MACROD2: variants seen among roughly 807,000 people sequenced by gnomAD.
The protein encoded by MACROD2 is mono-ADP ribosylhydrolase 2, also known as ADP-ribose glycohydrolase MACROD2.
MACROD2 carries 36 observed loss-of-function variants against 70.4 expected under a neutral mutation model. The ratio of observed to expected loss-of-function variants is 0.51; its 90% CI spans 0.39 to 0.68. The LOEUF is 0.68. MACROD2 is among the 30% of genes least tolerant of loss of function. The probability of loss-of-function intolerance (pLI) is 0.00; values close to 1 mark genes in which losing one functional copy is unlikely to be tolerated. For missense variants in MACROD2, 496 were observed against 538.4 expected (o/e 0.92, Z 0.78); for synonymous variants, 172 against 178.8 (o/e 0.96, Z 0.30).
intron 10 of MACROD2, among the ~76,000 whole-genome samples, chr20:15,896,895 A>G (rs2064981363): frequency 6.6e-6 from 1 of 152,212 alleles, no homozygotes; most frequent in Non-Finnish European, 1.5e-5. Flanking sequence ...CATGTGCTAT[A>G]AATGATAATG....
chr20:14,947,258 ACAATGTT>A (rs1468237958), intron 5 of MACROD2, among the ~76,000 whole-genome samples: 1 of 152,154 alleles, frequency 6.6e-6, no homozygotes, highest in Non-Finnish European at 1.5e-5. Flanking sequence ...TTGCTCTATA[ACAATGTT>A]TCTGGCTTTG....
At chr20:15,342,342 T>A (rs962768335) in intron 6 of MACROD2, among the ~76,000 whole-genome samples, 15 of 152,170 alleles carry the variant, frequency 9.9e-5, no homozygotes, top group Non-Finnish European at 2.1e-4. Flanking sequence ...TCCCAGCCAA[T>A]GTCAGACTAG....
chr20:15,684,619 A>G (rs2050202779), intron 8 of MACROD2, among the ~76,000 whole-genome samples: 1 of 152,232 alleles, frequency 6.6e-6, no homozygotes, highest in Non-Finnish European at 1.5e-5. Context: ...AGTTCAATTA[A>G]GGATTTTTCA....
chr20:15,578,817 C>G (rs2048485044), intron 8 of MACROD2, among the ~76,000 whole-genome samples: 1 of 152,088 alleles, frequency 6.6e-6, no homozygotes, highest in Middle Eastern at 3.4e-3. Context: ...CAGTGAAAAG[C>G]TAAAACTGAA....
At chr20:14,762,055 A>G (rs2072022449) in intron 5 of MACROD2, among the ~76,000 whole-genome samples, 1 of 151,814 alleles carries the variant, frequency 6.6e-6, no homozygotes, top group Admixed American at 6.6e-5. Context: ...TTCTCCTGCC[A>G]CCCTCTCCGC....
At chr20:14,528,156 C>G (rs1394625357) in intron 4 of MACROD2, among the ~76,000 whole-genome samples, 1 of 150,394 alleles carries the variant, frequency 6.6e-6, no homozygotes, top group Non-Finnish European at 1.5e-5. Context: ...ATTGCCCAGG[C>G]TGGAGAGCAA....
At chr20:15,076,171 A>G (rs1363532353) in intron 5 of MACROD2, among the ~76,000 whole-genome samples, 1 of 152,070 alleles carries the variant, frequency 6.6e-6, no homozygotes, top group Non-Finnish European at 1.5e-5. Flanking sequence ...TGCTTTCCTT[A>G]CCATTATATC....
At chr20:14,981,145 C>A (rs564146334) in intron 5 of MACROD2, among the ~76,000 whole-genome samples, 1 of 151,968 alleles carries the variant, frequency 6.6e-6, no homozygotes, top group South Asian at 2.1e-4. Context: ...AAACAAGGAT[C>A]CCCATCATCG....
At chr20:14,985,916 G>A (rs1327471365) in intron 5 of MACROD2, among the ~76,000 whole-genome samples, 15 of 152,022 alleles carry the variant, frequency 9.9e-5, no homozygotes, top group Admixed American at 9.8e-4. Flanking sequence ...TGGGATTACA[G>A]GTGTGAGCCA....
intron 8 of MACROD2, among the ~76,000 whole-genome samples, chr20:15,768,095 G>A (rs1444913995): frequency 1.3e-5 from 2 of 151,798 alleles, no homozygotes; most frequent in Non-Finnish European, 2.9e-5. Context: ...GAAAGTTACT[G>A]CAAAAAGAAA....
rs765506233 is a variant in MACROD2, at chr20:15,986,808, A to C, written c.1060+7A>C. 3 of 1,594,416 alleles carry C rather than the reference A, an allele frequency of 1.9e-6. No homozygotes were observed. In the South Asian group the frequency reaches 3.3e-5, roughly 18 times the overall value. Reference sequence around the variant, plus strand: ...TCATATATGGAAACAGAAGGTACTGAAACCAAAATATATTGTTATCAGAGA... The same window carrying C: ...TCATATATGGAAACAGAAGGTACTGCAACCAAAATATATTGTTATCAGAGA... On this transcript the variant is annotated splice_region_variant and intron_variant, in intron 14 of 17. Transcript: ENST00000684519.
At chr20:15,191,355 G>A (rs1030888731) in intron 5 of MACROD2, among the ~76,000 whole-genome samples, 2 of 152,226 alleles carry the variant, frequency 1.3e-5, no homozygotes, top group Middle Eastern at 3.2e-3. Flanking sequence ...AAAGCCCTGA[G>A]ATAGAAGATT....
At chr20:15,027,339 G>C (rs1280973023) in intron 5 of MACROD2, among the ~76,000 whole-genome samples, 1 of 152,104 alleles carries the variant, frequency 6.6e-6, no homozygotes, top group Non-Finnish European at 1.5e-5. Flanking sequence ...ATGTCTATCA[G>C]ATTTGATTTT....
chr20:14,538,509 C>T (rs2085393505), intron 4 of MACROD2, among the ~76,000 whole-genome samples: 1 of 152,200 alleles, frequency 6.6e-6, no homozygotes, highest in South Asian at 2.1e-4. Flanking sequence ...TCCTACTGCA[C>T]TTAGAGCAAA....
chr20:14,050,449 G>A (rs766698005), intron 2 of MACROD2, among the ~76,000 whole-genome samples: 1 of 152,110 alleles, frequency 6.6e-6, no homozygotes, highest in Admixed American at 6.5e-5. Context: ...TGTTTTGCCC[G>A]CATTGAGCCT....
chr20:16,001,446 C>T lies in MACROD2; in HGVS notation c.1153+14288C>T, dbSNP rs578084116. Among the ~76,000 whole-genome samples the T allele has an allele frequency of 3.3e-5, 5 of 152,304 alleles. No homozygotes were observed. The South Asian group carries it at 1.0e-3, about 32-fold the overall frequency. On this transcript the variant is annotated intron_variant, in intron 15 of 17. Coordinates refer to ENST00000684519, the MANE Select transcript of MACROD2 (RefSeq NM_001351661.2). Reference sequence around the variant, plus strand: ...TTGATTGTATGTGATTGCTTTATTTCATTGTGAAACTTCAAAGGAAATGTT... The same window carrying T: ...TTGATTGTATGTGATTGCTTTATTTTATTGTGAAACTTCAAAGGAAATGTT...
At chr20:14,285,108 A>T (rs902596530) in intron 3 of MACROD2, among the ~76,000 whole-genome samples, 1 of 152,172 alleles carries the variant, frequency 6.6e-6, no homozygotes, top group African/African-American at 2.4e-5. Flanking sequence ...CAGAAAGGAA[A>T]GAAAAAAATA....
intron 8 of MACROD2, among the ~76,000 whole-genome samples, chr20:15,808,500 T>C (rs2063789508): frequency 6.6e-6 from 1 of 152,176 alleles, no homozygotes; most frequent in South Asian, 2.1e-4. Context: ...ATTAAGAAGG[T>C]ATTTATTTTC....
At chr20:14,915,139 C>G (rs2074075797) in intron 5 of MACROD2, among the ~76,000 whole-genome samples, 1 of 152,126 alleles carries the variant, frequency 6.6e-6, no homozygotes, top group South Asian at 2.1e-4. Context: ...TTATTGCAAA[C>G]ACATGCATGT....
Sources: allele counts gnomAD v4.1 joint callset (sites outside exome capture counted in the v4.1 genomes callset), GRCh38; gene constraint gnomAD v4.1.1; transcripts MANE v1.5; gene names NCBI Gene and HGNC (gene_info 2026-07-23, HGNC 2026-07-21).